The following COLEC10 variants were observed in gnomAD, a reference collection of about 807,000 sequenced individuals.
The protein encoded by COLEC10 is collectin subfamily member 10.
In COLEC10, 22 loss-of-function variants were observed where a neutral mutation model predicts 28.4. The observed-to-expected ratio is 0.78, with a 90% CI of 0.55 to 1.11. COLEC10 has a LOEUF of 1.11. COLEC10 is among the 50% of genes least tolerant of loss of function. COLEC10 has a pLI of 0.00. For missense variants in COLEC10, 361 were observed against 344.1 expected, an observed-to-expected ratio of 1.05 and a Z score of -0.39; for synonymous variants, 125 against 116.1, an observed-to-expected ratio of 1.08 and a Z score of -0.49.
At chr8:119,091,283 C>T (rs1271989221) in intron 3 of COLEC10, 63 bp downstream of exon 3, 12 of 1,213,788 alleles carry the variant, frequency 9.9e-6, no homozygotes, top group Non-Finnish European at 1.3e-5. Flanking sequence ...GGTACGATGG[C>T]TCACACCAGT....
chr8:119,078,162 A>C (rs2130250289), intron 1 of COLEC10, among the ~76,000 whole-genome samples: 1 of 152,334 alleles, frequency 6.6e-6, no homozygotes, highest in Non-Finnish European at 1.5e-5. Flanking sequence ...GGGGGATTAC[A>C]TTTCAGCATG....
chr8:119,102,210 T>C (rs13272783), intron 3 of COLEC10, 138 bp from the exon 4 acceptor site: 4,283 of 146,060 alleles, frequency 0.029, 347 homozygotes, highest in East Asian at 0.064. Context: ...ATTCACTCCT[T>C]CCTCCCTCCC....
At chr8:118,972,863 G>A in the COLEC10 span, among the ~76,000 whole-genome samples, 16 of 152,120 alleles carry the variant, frequency 1.1e-4, no homozygotes, top group African/African-American at 3.6e-4. Context: ...AGCATGGCTA[G>A]AGAGGCCTCA....
the COLEC10 span, among the ~76,000 whole-genome samples, chr8:118,985,906 G>A: frequency 8.5e-5 from 13 of 152,108 alleles, no homozygotes; most frequent in Admixed American, 7.2e-4. Context: ...TAGCAGTTCC[G>A]ATCTGAAGTT....
chr8:119,046,772 CT>C (rs1814594491), intron 2 of COLEC10, among the ~76,000 whole-genome samples: 1 of 152,176 alleles, frequency 6.6e-6, no homozygotes, highest in Non-Finnish European at 1.5e-5. Flanking sequence ...GTGATGTTTA[CT>C]TTGTGTATCT....
chr8:119,083,311 T>C (rs1024635576), intron 1 of COLEC10, among the ~76,000 whole-genome samples: 1 of 152,186 alleles, frequency 6.6e-6, no homozygotes, highest in African/African-American at 2.4e-5. Flanking sequence ...TCTCTGAGAC[T>C]CCTGCAGAAA....
At position 119,051,910 on chromosome 8, in the gene COLEC10, G is replaced by A. The variant is rs186210166; in HGVS notation, n.236-37770G>A. On this transcript the variant is annotated intron_variant and non_coding_transcript_variant, in intron 2 of 6. Coordinates refer to the COLEC10 transcript ENST00000521788. ...TAGCTCTGCACCTCAATTGCTGTGC[G>A]ATATGAGGCAAATCACTTAAACACT... is the stretch of plus-strand genomic sequence containing the variant. Among the ~76,000 whole-genome samples the A allele has an allele frequency of 1.7e-4, 26 of 152,148 alleles. No homozygotes were observed. In the East Asian group the frequency reaches 4.6e-3, roughly 27 times the overall value.
chr8:119,011,526 G>T (rs1398339707), intron 2 of COLEC10, among the ~76,000 whole-genome samples: 1 of 150,680 alleles, frequency 6.6e-6, no homozygotes, highest in Non-Finnish European at 1.5e-5. Context: ...GGTGGGATTT[G>T]ATTGAGATTG....
intron 1 of COLEC10, among the ~76,000 whole-genome samples, chr8:119,004,791 A>G (rs1050940313): frequency 3.3e-5 from 5 of 151,712 alleles, no homozygotes; most frequent in African/African-American, 1.2e-4. Flanking sequence ...TCTATTTCTT[A>G]TACTTTTGCT....
chr8:119,106,044 G>A lies in COLEC10; in HGVS notation c.687G>A (p.Gln229=), dbSNP rs748324624. The A allele has an allele frequency of 1.2e-6, 2 of 1,613,760 alleles. No individual in the cohort carries two copies. The highest frequency in any genetic ancestry group is 1.7e-5 in the Admixed American group (1 of 59,930). The stretch of plus-strand genomic sequence containing the variant: ...TGTTCACAGACAACACTCCACTGCA[G>A]AACTATAGCAACTGGAATGAGGGGG... ...QYMFTDNTPL[Q]NYSNWNEGEP... is the part of the protein sequence containing the mutation. The change falls in exon 6 of 6, where the codon CAG becomes CAA. Residue 229 remains glutamine, a synonymous_variant. Coordinates refer to ENST00000332843, the MANE Select transcript of COLEC10 (RefSeq NM_006438.5).
At chr8:118,983,293 CT>C in the COLEC10 span, among the ~76,000 whole-genome samples, 1 of 152,058 alleles carries the variant, frequency 6.6e-6, no homozygotes, top group Non-Finnish European at 1.5e-5. Flanking sequence ...ATTTTTACTC[CT>C]TTTGTTTATA....
the COLEC10 span, among the ~76,000 whole-genome samples, chr8:118,985,548 C>G: frequency 1.3e-5 from 2 of 152,024 alleles, no homozygotes; most frequent in African/African-American, 2.4e-5. Flanking sequence ...AGGATGTACT[C>G]TCCTTTCCAC....
At chr8:118,977,146 T>C in the COLEC10 span, among the ~76,000 whole-genome samples, 9 of 147,544 alleles carry the variant, frequency 6.1e-5, no homozygotes, top group African/African-American at 2.2e-4. Flanking sequence ...TTTTACACTG[T>C]TGGTGGGACT....
At chr8:119,010,547 G>C (rs1339119777) in intron 2 of COLEC10, among the ~76,000 whole-genome samples, 3 of 150,766 alleles carry the variant, frequency 2.0e-5, no homozygotes, top group Admixed American at 6.6e-5. Context: ...AGATTTTATG[G>C]TAAGAGTATG....
intron 1 of COLEC10, among the ~76,000 whole-genome samples, chr8:119,083,054 G>A (rs1326548355): frequency 2.0e-5 from 3 of 152,144 alleles, no homozygotes; most frequent in Admixed American, 6.6e-5. Flanking sequence ...AGAAACTTGT[G>A]TTTGCAAGTG....
chr8:119,043,855 T>C (rs528562151), intron 2 of COLEC10, among the ~76,000 whole-genome samples: 2 of 152,312 alleles, frequency 1.3e-5, no homozygotes, highest in South Asian at 4.2e-4. Flanking sequence ...GAGAGGACAA[T>C]GACTTGCTGA....
chr8:119,031,582 G>C (rs991516177), intron 2 of COLEC10, among the ~76,000 whole-genome samples: 1 of 152,218 alleles, frequency 6.6e-6, no homozygotes, highest in Non-Finnish European at 1.5e-5. Flanking sequence ...TTAGTGAATT[G>C]TGATGCTGAT....
the COLEC10 span, among the ~76,000 whole-genome samples, chr8:118,963,916 G>A: frequency 1.3e-5 from 2 of 152,126 alleles, no homozygotes; most frequent in African/African-American, 4.8e-5. Flanking sequence ...CAACGAAATG[G>A]ATATGAGCCT....
the COLEC10 span, among the ~76,000 whole-genome samples, chr8:118,966,070 G>A: frequency 6.6e-6 from 1 of 151,988 alleles, no homozygotes; most frequent in African/African-American, 2.4e-5. Context: ...AAAAATCTAA[G>A]TTAAATGGAA....
Sources: gnomAD v4.1 joint callset for allele counts (sites outside exome capture counted in the v4.1 genomes callset) on GRCh38, gnomAD v4.1.1 for gene constraint, MANE v1.5 for transcripts, NCBI Gene and HGNC (gene_info 2026-07-23, HGNC 2026-07-21) for gene names.